SLC10A7: variants seen among roughly 807,000 people sequenced by gnomAD.
The protein encoded by SLC10A7 is sodium/bile acid cotransporter 7.
A neutral mutation model predicts 43.2 loss-of-function variants in SLC10A7; 29 were observed. The ratio of observed to expected loss-of-function variants is 0.67; its 90% CI spans 0.50 to 0.92. The LOEUF (loss-of-function observed/expected upper bound fraction) is 0.92, where lower values mean the gene tolerates loss of function less well. Ranked by LOEUF, SLC10A7 falls within the 40% of genes least tolerant of loss-of-function variation. The pLI is 0.00. For missense variants in SLC10A7, 295 were observed against 403.2 expected (o/e 0.73, Z 2.30); for synonymous variants, 152 against 144.8 (o/e 1.05, Z -0.35).
intron 5 of SLC10A7, among the ~76,000 whole-genome samples, chr4:146,357,417 A>G (rs1324331882): frequency 6.6e-6 from 1 of 152,212 alleles, no homozygotes; most frequent in Non-Finnish European, 1.5e-5. Flanking sequence ...TAAGGAACAA[A>G]AAAACCCTGC....
intron 4 of SLC10A7, among the ~76,000 whole-genome samples, chr4:146,488,694 T>C (rs1040248396): frequency 6.6e-6 from 1 of 152,194 alleles, no homozygotes; most frequent in Admixed American, 6.5e-5. Flanking sequence ...TGCCAGCTAT[T>C]GTGGGGGTTG....
intron 4 of SLC10A7, among the ~76,000 whole-genome samples, chr4:146,472,164 G>A (rs1192733609): frequency 2.0e-5 from 3 of 147,946 alleles, no homozygotes; most frequent in Admixed American, 6.8e-5. Flanking sequence ...CAAAAAAAAT[G>A]CACTGCTGTC....
At chr4:146,276,870 T>C (rs1179800513) in intron 10 of SLC10A7, among the ~76,000 whole-genome samples, 1 of 151,892 alleles carries the variant, frequency 6.6e-6, no homozygotes, top group Non-Finnish European at 1.5e-5. Flanking sequence ...AGGAGGATGG[T>C]TGGAGCCCAG....
chr4:146,288,852 G>A (rs1265884203), intron 9 of SLC10A7, among the ~76,000 whole-genome samples: 3 of 151,970 alleles, frequency 2.0e-5, no homozygotes, highest in Non-Finnish European at 4.4e-5. Flanking sequence ...GCCTTCTCTT[G>A]AGATATTTAT....
In SLC10A7 at chr4:146,521,675, C is replaced by T. The variant is rs1454653744; in HGVS notation, c.43G>A (p.Gly15Arg). 6.2e-7 allele frequency: 1 copy of T among 1,614,040 alleles called. No homozygotes were observed. Reference protein sequence around the residue: ...ERMRKDWFMVGIVLAIAGAKL... With the variant: ...ERMRKDWFMVRIVLAIAGAKL... The stretch of plus-strand genomic sequence containing the variant: ...GCTCCAGCGATCGCCAGCACTATTC[C>T]GACCATGAACCAGTCTTTCCTCATT... Residue 15 changes from glycine to arginine, a missense_variant, in exon 1 of 12, where the codon GGA (glycine) becomes AGA (arginine). By Grantham distance (125) the Gly-to-Arg change is moderately radical (BLOSUM62 -2). Transcript: ENST00000335472.
At position 146,509,614 on chromosome 4, in the gene SLC10A7, A is replaced by G. The variant is rs189115088; in HGVS notation, c.320+299T>C. On this transcript the variant is annotated intron_variant, in intron 3 of 11. Coordinates refer to ENST00000335472, the MANE Select transcript of SLC10A7 (RefSeq NM_001029998.6). ...TAATTGACATCCAATTGACTTGCAT[A>G]CAGATCTTACATCTGCTAGTCCTTC... 1.1e-4 allele frequency among the ~76,000 whole-genome samples: 17 copies of G among 152,324 alleles called. No homozygotes were observed. In the East Asian group the frequency reaches 3.3e-3, roughly 29 times the overall value.
chr4:146,319,630 T>C (rs1560793932), intron 6 of SLC10A7, among the ~76,000 whole-genome samples: 1 of 152,062 alleles, frequency 6.6e-6, no homozygotes, highest in Non-Finnish European at 1.5e-5. Context: ...CATGCAGAAA[T>C]AACTCAGTAT....
rs557232572 is a variant in SLC10A7 at position 146,293,166 on chromosome 4, A to G, written c.722-186T>C. The stretch of plus-strand genomic sequence containing the variant: ...AATTAGTGGGACTCAGTCTGTTCTT[A>G]TTGATGATATCCCCAGAAACAGTCT... On this transcript the variant is annotated intron_variant, in intron 8 of 11. Coordinates refer to ENST00000335472, the MANE Select transcript of SLC10A7 (RefSeq NM_001029998.6). Among the ~76,000 whole-genome samples, 3 of 152,326 alleles carry G rather than the reference A, an allele frequency of 2.0e-5. No homozygotes were observed. The East Asian group carries it at 5.8e-4, about 29-fold the overall frequency.
intron 5 of SLC10A7, among the ~76,000 whole-genome samples, chr4:146,419,201 C>T (rs1356066898): frequency 1.3e-5 from 2 of 152,108 alleles, no homozygotes; most frequent in Non-Finnish European, 2.9e-5. Context: ...ATCAACTCAA[C>T]CTTCAGCCCA....
intron 4 of SLC10A7, among the ~76,000 whole-genome samples, chr4:146,485,887 G>A (rs1327659716): frequency 1.3e-5 from 2 of 152,096 alleles, no homozygotes; most frequent in Admixed American, 6.6e-5. Context: ...GAAAGAAAAG[G>A]AGGGAAAAGG....
At chr4:146,278,253 A>C (rs1729332761) in intron 10 of SLC10A7, among the ~76,000 whole-genome samples, 1 of 152,142 alleles carries the variant, frequency 6.6e-6, no homozygotes, top group Non-Finnish European at 1.5e-5. Flanking sequence ...TGTTTAGGTA[A>C]CATTATATTA....
intron 5 of SLC10A7, among the ~76,000 whole-genome samples, chr4:146,433,642 G>C (rs1453342358): frequency 6.6e-6 from 1 of 152,080 alleles, no homozygotes; most frequent in Non-Finnish European, 1.5e-5. Context: ...GAGGTGGGAG[G>C]ATCGCTTGAG....
intron 5 of SLC10A7, among the ~76,000 whole-genome samples, chr4:146,360,201 A>C (rs1034087752): frequency 6.7e-6 from 1 of 149,530 alleles, no homozygotes; most frequent in Non-Finnish European, 1.5e-5. Context: ...CCATTACCTT[A>C]CTCTAAGCCA....
chr4:146,450,627 G>C (rs1731497804), intron 4 of SLC10A7, among the ~76,000 whole-genome samples: 1 of 152,108 alleles, frequency 6.6e-6, no homozygotes, highest in Non-Finnish European at 1.5e-5. Context: ...AAGGCTAGAA[G>C]GACTGCCAGC....
At chr4:146,358,287 C>T (rs1220141689) in intron 5 of SLC10A7, among the ~76,000 whole-genome samples, 1 of 152,072 alleles carries the variant, frequency 6.6e-6, no homozygotes, top group Non-Finnish European at 1.5e-5. Context: ...CCTTTCCCTG[C>T]TGCAGATTAT....
At chr4:146,453,703 C>T (rs879182260) in intron 4 of SLC10A7, among the ~76,000 whole-genome samples, 4 of 151,748 alleles carry the variant, frequency 2.6e-5, no homozygotes, top group Admixed American at 6.6e-5. Flanking sequence ...CTTAAATAAC[C>T]GTTAAAACGC....
At chr4:146,376,894 C>T (rs566900380) in intron 5 of SLC10A7, among the ~76,000 whole-genome samples, 14 of 152,076 alleles carry the variant, frequency 9.2e-5, no homozygotes, top group Non-Finnish European at 1.8e-4. Context: ...AATTGGCTAG[C>T]AACTTAGAAA....
chr4:146,339,565 T>A (rs1332424218), intron 5 of SLC10A7, among the ~76,000 whole-genome samples: 1 of 151,974 alleles, frequency 6.6e-6, no homozygotes, highest in Non-Finnish European at 1.5e-5. Context: ...CACATGAGCA[T>A]CATTGGTCCA....
At chr4:146,436,653 A>G (rs1730240767) in intron 5 of SLC10A7, among the ~76,000 whole-genome samples, 1 of 152,082 alleles carries the variant, frequency 6.6e-6, no homozygotes, top group Non-Finnish European at 1.5e-5. Flanking sequence ...TGCACAGAGA[A>G]TTAGTAATGC....
Sources: allele counts gnomAD v4.1 joint callset (sites outside exome capture counted in the v4.1 genomes callset), GRCh38; gene constraint gnomAD v4.1.1; transcripts MANE v1.5; gene names NCBI Gene and HGNC (gene_info 2026-07-23, HGNC 2026-07-21).